Variants in SLCO2A1 observed in about 807,000 individuals in gnomAD.
SLCO2A1 encodes the protein matrin F/G 1.
A neutral mutation model predicts 71.7 loss-of-function variants in SLCO2A1; 60 were observed. That is an observed-to-expected ratio of 0.84 (90% confidence interval 0.68 to 1.04). The LOEUF is 1.04. SLCO2A1 is among the 50% of genes least tolerant of loss of function. The pLI, the probability that SLCO2A1 is intolerant of heterozygous loss-of-function variation, is 0.00. For synonymous variants in SLCO2A1, 308 were observed against 326.7 expected, an observed-to-expected ratio of 0.94 and a Z score of 0.62; for missense variants, 745 against 813.4, an observed-to-expected ratio of 0.92 and a Z score of 1.02.
intron 5 of SLCO2A1, among the ~76,000 whole-genome samples, chr3:133,951,988 T>G (rs1933756498): frequency 6.6e-6 from 1 of 152,218 alleles, no homozygotes; most frequent in Admixed American, 6.5e-5. Flanking sequence ...AGCTTTCTCT[T>G]GGCAATTCTC....
chr3:133,950,206 G>T (rs1183574162), intron 6 of SLCO2A1, among the ~76,000 whole-genome samples: 1 of 152,238 alleles, frequency 6.6e-6, no homozygotes, highest in Admixed American at 6.5e-5. Flanking sequence ...CCTGACCCCA[G>T]CACCTGCATG....
At chr3:133,950,553 C>T (rs1436411770) in intron 6 of SLCO2A1, among the ~76,000 whole-genome samples, 2 of 152,204 alleles carry the variant, frequency 1.3e-5, no homozygotes, top group Non-Finnish European at 2.9e-5. Flanking sequence ...ACCCCCTAAA[C>T]TCAACCTAGC....
intron 3 of SLCO2A1, among the ~76,000 whole-genome samples, chr3:133,965,494 G>A (rs1313632001): frequency 6.6e-6 from 1 of 152,222 alleles, no homozygotes; most frequent in Non-Finnish European, 1.5e-5. Flanking sequence ...AAGCTGGGAG[G>A]ATTGGACAGT....
intron 3 of SLCO2A1, among the ~76,000 whole-genome samples, chr3:133,961,319 G>T (rs1229461765): frequency 6.6e-6 from 1 of 152,086 alleles, no homozygotes; most frequent in Non-Finnish European, 1.5e-5. Flanking sequence ...AGGATAGCAG[G>T]GGCATGACAT....
intron 2 of SLCO2A1, among the ~76,000 whole-genome samples, chr3:133,976,212 G>A (rs988754156): frequency 1.3e-5 from 2 of 152,230 alleles, no homozygotes; most frequent in South Asian, 2.1e-4. Context: ...GGCAGCTCCT[G>A]CCAAAGGTGG....
chr3:134,008,984 C>T (rs1328237263), intron 1 of SLCO2A1, among the ~76,000 whole-genome samples: 1 of 152,216 alleles, frequency 6.6e-6, no homozygotes, highest in African/African-American at 2.4e-5. Flanking sequence ...CTCTTGGCTG[C>T]AATCCCAGCT....
At chr3:134,027,306 C>T (rs1935717166) in intron 1 of SLCO2A1, among the ~76,000 whole-genome samples, 1 of 152,156 alleles carries the variant, frequency 6.6e-6, no homozygotes, top group African/African-American at 2.4e-5. Context: ...CACCCTAGCG[C>T]TGGTAGTTAA....
intron 6 of SLCO2A1, chr3:133,949,195 C>T (rs942845356): frequency 4.2e-5 from 24 of 570,988 alleles, no homozygotes; most frequent in Non-Finnish European, 5.7e-5. Context: ...CACATCTATG[C>T]CAATGCCTCC....
intron 1 of SLCO2A1, among the ~76,000 whole-genome samples, chr3:134,009,726 G>A (rs1215609909): frequency 6.6e-6 from 1 of 152,256 alleles, no homozygotes; most frequent in Non-Finnish European, 1.5e-5. Flanking sequence ...CACCACTGAT[G>A]AATTTGGCTT....
At chr3:134,018,741 C>CAGCT (rs1428901463) in intron 1 of SLCO2A1, among the ~76,000 whole-genome samples, 3 of 152,086 alleles carry the variant, frequency 2.0e-5, no homozygotes, top group Non-Finnish European at 2.9e-5. Flanking sequence ...CAGGATAAGT[C>CAGCT]AGCTGCAAAA....
chr3:133,978,233 C>T (rs1934506065), intron 2 of SLCO2A1, among the ~76,000 whole-genome samples: 1 of 152,166 alleles, frequency 6.6e-6, no homozygotes. Context: ...GTAGAGAAGA[C>T]AGTTAGGAAT....
intron 2 of SLCO2A1, 56 bp from the exon 3 acceptor site, chr3:133,973,881 A>G: frequency 6.5e-7 from 1 of 1,533,496 alleles, no homozygotes; most frequent in Admixed American, 1.9e-5. Context: ...TCACCCACCC[A>G]CAGAGAAGAC....
chr3:133,955,360 G>A (rs1039358364), intron 3 of SLCO2A1, 167 bp from the exon 4 acceptor site: 5 of 598,890 alleles, frequency 8.3e-6, no homozygotes, highest in African/African-American at 1.9e-5. Flanking sequence ...CTTCTGTCTG[G>A]CCAGCAGGAG....
At chr3:133,974,945 T>C (rs77029690) in intron 2 of SLCO2A1, among the ~76,000 whole-genome samples, 61 of 152,342 alleles carry the variant, frequency 4.0e-4, no homozygotes, top group African/African-American at 1.4e-3. Context: ...GGCCTCCTCA[T>C]TGGCAAATGT....
Position 134,011,146 on chromosome 3 carries a change from G to A in SLCO2A1, c.96+18561C>T, listed in dbSNP as rs550782191. Among the ~76,000 whole-genome samples, 582 of 152,304 alleles carry A rather than the reference G, an allele frequency of 3.8e-3. 5 individuals are homozygous for A. The highest frequency in any genetic ancestry group is 0.013 in the African/African-American group (548 of 41,554). On this transcript the variant is annotated intron_variant, in intron 1 of 13. Transcript: ENST00000310926. ...GCTCACTGCAACCTCCGCCTCCTGG[G>A]TTCAAGCAGCTCTCCTGCCTCAGCC...
chr3:133,985,461 A>T (rs942256345), intron 1 of SLCO2A1, among the ~76,000 whole-genome samples: 1 of 152,202 alleles, frequency 6.6e-6, no homozygotes, highest in Non-Finnish European at 1.5e-5. Flanking sequence ...GTAGAATTTG[A>T]GTCTTGCAAT....
intron 1 of SLCO2A1, among the ~76,000 whole-genome samples, chr3:134,021,209 G>A (rs547877545): frequency 9.8e-5 from 15 of 152,286 alleles, no homozygotes; most frequent in Admixed American, 2.6e-4. Flanking sequence ...TGGTATGAGC[G>A]TGTTTTGTCT....
Position 133,951,078 on chromosome 3 carries a change from CA to C in SLCO2A1, c.861+129del, listed in dbSNP as rs1214767600. On this transcript the variant is annotated intron_variant, in intron 6 of 13. Transcript: ENST00000310926. ...TTAAAGCCTCTGGGAAGTCCTGCAT[CA>C]TGAAATTTGTTTAGATTTCACCCTG... 4 of 1,262,810 alleles carry C rather than the reference CA, an allele frequency of 3.2e-6. No homozygotes were observed. The African/African-American group carries it at 4.4e-5, about 14-fold the overall frequency. 78.2% of individuals were successfully genotyped at this position (1,262,810 alleles called of 1,614,324 possible). A position where few individuals can be genotyped will look rare whatever the true frequency, so the allele number is the denominator to read the frequency against.
At chr3:133,989,040 C>T (rs1370047049) in intron 1 of SLCO2A1, among the ~76,000 whole-genome samples, 3 of 152,198 alleles carry the variant, frequency 2.0e-5, no homozygotes, top group African/African-American at 7.2e-5. Flanking sequence ...CCCCTTCCAC[C>T]ACGTCTCAGA....
Sources: allele counts gnomAD v4.1 joint callset (sites outside exome capture counted in the v4.1 genomes callset), GRCh38; gene constraint gnomAD v4.1.1; transcripts MANE v1.5; gene names NCBI Gene and HGNC (gene_info 2026-07-23, HGNC 2026-07-21).